Variants in IFT70B observed in about 807,000 individuals in gnomAD.
IFT70B encodes intraflagellar transport 70B, also known as intraflagellar transport protein 70B.
the IFT70B span, chr2:177,552,604 A>G: frequency 1.3e-6 from 2 of 1,594,996 alleles, no homozygotes; most frequent in Non-Finnish European, 1.7e-6. Context: ...CGGTAGTAGC[A>G]GTAGCCTAGC....
the IFT70B span, chr2:177,550,757 C>A: frequency 1.3e-6 from 2 of 1,563,328 alleles, no homozygotes; most frequent in Admixed American, 2.0e-5. Flanking sequence ...ATGCCACTAT[C>A]AGCTATTACT....
the IFT70B span, chr2:177,552,359 C>T: frequency 6.2e-7 from 1 of 1,614,216 alleles, no homozygotes. Flanking sequence ...GCTGCTCTAC[C>T]AGGCTCCTGG....
At chr2:177,551,596 G>A in the IFT70B span, 1 of 1,614,164 alleles carries the variant, frequency 6.2e-7, no homozygotes, top group South Asian at 1.1e-5. Flanking sequence ...AGTTTCCGGA[G>A]GACCTCAGTC....
the IFT70B span, chr2:177,551,792 G>T: frequency 7.4e-6 from 12 of 1,614,242 alleles, no homozygotes; most frequent in East Asian, 2.7e-4. Context: ...GCAACAGGTT[G>T]CCAAAAGTCT....
the IFT70B span, chr2:177,550,728 T>C: frequency 3.3e-6 from 5 of 1,523,636 alleles, no homozygotes; most frequent in Non-Finnish European, 4.4e-6. Context: ...CAAATTTACA[T>C]AACAAAGCCA....
At chr2:177,550,848 A>G in the IFT70B span, 4 of 1,614,100 alleles carry the variant, frequency 2.5e-6, no homozygotes, top group South Asian at 3.3e-5. Flanking sequence ...TCCAACATGC[A>G]TTCTTTCTTC....
At chr2:177,549,031 A>C in the IFT70B span, 2 of 152,166 alleles carry the variant, frequency 1.3e-5, no homozygotes, top group African/African-American at 4.8e-5. Context: ...AAAGAATTTT[A>C]ATATGGCCAT....
chr2:177,551,518 A>G, the IFT70B span: 4 of 1,614,250 alleles, frequency 2.5e-6, no homozygotes, highest in Non-Finnish European at 3.4e-6. Context: ...GTTTCATCAT[A>G]TTCATTCACT....
chr2:177,552,767 C>T, the IFT70B span: 3 of 1,544,144 alleles, frequency 1.9e-6, no homozygotes, highest in Non-Finnish European at 2.6e-6. Context: ...CAGCCATAAC[C>T]ACCACGGCTG....
chr2:177,552,075 G>A, the IFT70B span: 2 of 1,614,230 alleles, frequency 1.2e-6, no homozygotes, highest in Non-Finnish European at 1.7e-6. Flanking sequence ...GCCCTCAGTG[G>A]TCATGCCCAC....
At chr2:177,552,728 C>G in the IFT70B span, 1 of 1,586,032 alleles carries the variant, frequency 6.3e-7, no homozygotes, top group African/African-American at 1.3e-5. Flanking sequence ...CGGTGAACTC[C>G]CCGTCGGGGA....
At chr2:177,552,491 C>T in the IFT70B span, 1 of 1,609,890 alleles carries the variant, frequency 6.2e-7, no homozygotes, top group Non-Finnish European at 8.5e-7. Flanking sequence ...AAAGGCAGGC[C>T]TTGTACAGGG....
chr2:177,551,888 G>C, the IFT70B span: 1 of 1,614,242 alleles, frequency 6.2e-7, no homozygotes, highest in African/African-American at 1.3e-5. Flanking sequence ...TTAGTGCCTG[G>C]TTGTGTAGGG....
the IFT70B span, chr2:177,551,722 G>A: frequency 6.2e-7 from 1 of 1,614,182 alleles, no homozygotes; most frequent in South Asian, 1.1e-5. Context: ...TAAATCAAAT[G>A]GGCATTTTCT....
At chr2:177,552,501 G>A in the IFT70B span, 4 of 1,605,436 alleles carry the variant, frequency 2.5e-6, no homozygotes, top group African/African-American at 5.3e-5. Flanking sequence ...CTTGTACAGG[G>A]CCTGGGCCTG....
the IFT70B span, chr2:177,552,413 G>A: frequency 2.1e-5 from 34 of 1,613,584 alleles, no homozygotes; most frequent in Non-Finnish European, 2.7e-5. Context: ...CAGCTTGCAG[G>A]CGGAGGACCC....
chr2:177,549,657 G>T, the IFT70B span: 1 of 152,178 alleles, frequency 6.6e-6, no homozygotes. Flanking sequence ...AAATAGTAAG[G>T]CTCTTGTAAG....
the IFT70B span, chr2:177,549,267 A>G: frequency 3.3e-5 from 5 of 152,324 alleles, no homozygotes; most frequent in East Asian, 9.6e-4. Context: ...CAGCTCAGAT[A>G]ATTAAGATTT....
the IFT70B span, chr2:177,552,095 A>T: frequency 1.2e-6 from 2 of 1,614,242 alleles, no homozygotes; most frequent in South Asian, 1.1e-5. Context: ...CACCTAGCTC[A>T]GGGTGCTGGC....
Sources: allele counts gnomAD v4.1 joint callset, GRCh38; gene constraint gnomAD v4.1.1; transcripts MANE v1.5; gene names NCBI Gene and HGNC (gene_info 2026-07-23, HGNC 2026-07-21).